EMCN: variants seen among roughly 807,000 people sequenced by gnomAD.
EMCN encodes the protein endomucin, also known as MUC-14.
Under a neutral mutation model 38.4 loss-of-function variants are expected in EMCN, and 37 were observed. That is an observed-to-expected ratio of 0.96 (90% CI 0.74 to 1.27). EMCN has a LOEUF of 1.27. Among genes scored for constraint, EMCN ranks in the 50% most tolerant of loss-of-function variants. EMCN has a pLI of 0.00. For synonymous variants in EMCN, 95 were observed against 100.8 expected, an observed-to-expected ratio of 0.94 and a Z score of 0.35; for missense variants, 318 against 302.8, an observed-to-expected ratio of 1.05 and a Z score of -0.37.
intron 4 of EMCN, among the ~76,000 whole-genome samples, chr4:100,450,255 AC>A (rs1336175479): frequency 3.3e-5 from 5 of 152,024 alleles, no homozygotes; most frequent in Non-Finnish European, 5.9e-5. Context: ...TTGGCAACTT[AC>A]AATCTGTTTG....
chr4:100,410,182 C>T (rs1726512193), intron 11 of EMCN, 100 bp downstream of exon 11: 1 of 862,946 alleles, frequency 1.2e-6, no homozygotes, highest in East Asian at 2.5e-5. Flanking sequence ...AAACCATTAG[C>T]TTTCCAGCTT....
intron 3 of EMCN, among the ~76,000 whole-genome samples, chr4:100,469,090 G>A (rs559325529): frequency 6.6e-6 from 1 of 151,984 alleles, no homozygotes; most frequent in Non-Finnish European, 1.5e-5. Flanking sequence ...AACATATATG[G>A]TCAATTAATT....
chr4:100,451,466 G>A (rs1727838066), intron 4 of EMCN, among the ~76,000 whole-genome samples: 1 of 151,770 alleles, frequency 6.6e-6, no homozygotes, highest in African/African-American at 2.4e-5. Flanking sequence ...CAGGCATAGT[G>A]GGCAAGAGGA....
intron 4 of EMCN, among the ~76,000 whole-genome samples, chr4:100,455,411 C>G (rs1727982083): frequency 6.6e-6 from 1 of 151,740 alleles, no homozygotes. Context: ...AAATTTCCAT[C>G]TGGTACCATA....
intron 2 of EMCN, among the ~76,000 whole-genome samples, chr4:100,479,401 A>AT (rs1343624297): frequency 6.6e-6 from 1 of 152,052 alleles, no homozygotes; most frequent in Non-Finnish European, 1.5e-5. Context: ...GGCTTTTAAC[A>AT]TTTTTGTGGA....
In EMCN at chr4:100,506,132, A is replaced by G. The variant is rs113943515; in HGVS notation, c.64+11719T>C. 3.2e-3 allele frequency among the ~76,000 whole-genome samples: 480 copies of G among 152,340 alleles called. 2 individuals are homozygous for G. Among genetic ancestry groups the G allele is most frequent in the African/African-American group, 0.011 (460 of 41,582 alleles). On this transcript the variant is annotated intron_variant, in intron 1 of 11. Coordinates refer to ENST00000296420, the MANE Select transcript of EMCN (RefSeq NM_016242.4). ...CTAAGTTTTATGCTTTCCTAAGACT[A>G]TGAAACAAGAGTGGTAATCACTGCT... is the stretch of plus-strand genomic sequence containing the variant.
rs191721675 is a variant in EMCN, at chr4:100,399,367, G to A, written c.*40-994C>T. 3.3e-5 allele frequency among the ~76,000 whole-genome samples: 5 copies of A among 152,176 alleles called. No individual in the cohort carries two copies. The East Asian group carries it at 9.7e-4, about 29-fold the overall frequency. On this transcript the variant is annotated intron_variant, in intron 11 of 11. Coordinates refer to ENST00000296420, the MANE Select transcript of EMCN (RefSeq NM_016242.4). ...TGGTGTGTGTGGTGGGGTGTGGGGA[G>A]TGGTACAAGTGGCGGAGACCTGTAA...
chr4:100,410,783 GT>G (rs1009218620), intron 10 of EMCN, among the ~76,000 whole-genome samples: 7 of 152,244 alleles, frequency 4.6e-5, no homozygotes, highest in Non-Finnish European at 8.8e-5. Context: ...TTCAGTGAGG[GT>G]TTTGTGAAAA....
At chr4:100,478,078 G>T (rs72927867) in intron 2 of EMCN, among the ~76,000 whole-genome samples, 3,328 of 152,188 alleles carry the variant, frequency 0.022, 125 homozygotes, top group African/African-American at 0.076. Context: ...AGACAAAAAG[G>T]AGTTATTTTC....
intron 5 of EMCN, among the ~76,000 whole-genome samples, chr4:100,430,473 G>A (rs1251780790): frequency 1.3e-5 from 2 of 152,060 alleles, no homozygotes; most frequent in Admixed American, 1.3e-4. Flanking sequence ...CCTTCAACAG[G>A]TCAAACCAGA....
rs779082250 is a variant in EMCN at position 100,421,324 on chromosome 4, C to G, written c.622G>C (p.Val208Leu). ...CACATTCGGTACAAACCCACCAGAA[C>G]AAATACTGAAAGTGTTATTACAATC... ...ALIVITLSVF[V>L]LVGLYRMCWK... Residue 208 changes from valine (V) to leucine (L), a missense_variant, in exon 8 of 12, where the codon GTT becomes CTT. Physicochemically the swap from Val to Leu is conservative, Grantham distance 32. Coordinates refer to ENST00000296420, the MANE Select transcript of EMCN (RefSeq NM_016242.4). 1 of 1,612,886 alleles carries G rather than the reference C, an allele frequency of 6.2e-7. No homozygotes were observed. The highest frequency in any genetic ancestry group is 1.1e-5 in the South Asian group (1 of 91,036).
At chr4:100,466,477 T>C (rs541940500) in intron 3 of EMCN, among the ~76,000 whole-genome samples, 2 of 152,306 alleles carry the variant, frequency 1.3e-5, no homozygotes, top group African/African-American at 4.8e-5. Context: ...AAGAAAGGGA[T>C]CATTTGCAAG....
At chr4:100,405,686 T>A (rs1023712007) in intron 11 of EMCN, among the ~76,000 whole-genome samples, 12 of 152,124 alleles carry the variant, frequency 7.9e-5, no homozygotes, top group Admixed American at 2.0e-4. Flanking sequence ...TGAAGTTTTC[T>A]TTGTTCATTG....
chr4:100,488,810 A>G lies in EMCN; in HGVS notation c.65-8771T>C, dbSNP rs992545148. ...AGAAAAACTATTTAGTTGATTTAAA[A>G]TACTCCTTAGTTTGTATCAACTGAA... On this transcript the variant is annotated intron_variant, in intron 1 of 11. Coordinates refer to ENST00000296420, the MANE Select transcript of EMCN (RefSeq NM_016242.4). Among the ~76,000 whole-genome samples the G allele has an allele frequency of 4.6e-5, 7 of 152,138 alleles. No homozygotes were observed. The East Asian group carries it at 9.6e-4, about 21-fold the overall frequency.
intron 5 of EMCN, 147 bp downstream of exon 5, chr4:100,447,386 C>A (rs1030971756): frequency 3.2e-6 from 2 of 620,656 alleles, no homozygotes; most frequent in Non-Finnish European, 5.6e-6. Flanking sequence ...TTTTTAAACT[C>A]AAGTTTTTCT....
intron 4 of EMCN, among the ~76,000 whole-genome samples, chr4:100,463,984 A>G (rs963838477): frequency 6.6e-6 from 1 of 152,094 alleles, no homozygotes; most frequent in Admixed American, 6.6e-5. Flanking sequence ...TAAATATATT[A>G]ATCAATTATT....
intron 5 of EMCN, among the ~76,000 whole-genome samples, chr4:100,425,184 C>CACACA (rs1263607280): frequency 6.6e-6 from 1 of 151,512 alleles, no homozygotes; most frequent in Non-Finnish European, 1.5e-5. Flanking sequence ...CACACACACA[C>CACACA]AATTACTGCT....
At chr4:100,483,805 G>T (rs1310427320) in intron 1 of EMCN, among the ~76,000 whole-genome samples, 2 of 152,028 alleles carry the variant, frequency 1.3e-5, no homozygotes, top group African/African-American at 4.8e-5. Context: ...TTCCTTCTAG[G>T]TCTTATTTGA....
At chr4:100,407,888 A>G (rs1726439857) in intron 11 of EMCN, among the ~76,000 whole-genome samples, 3 of 152,172 alleles carry the variant, frequency 2.0e-5, no homozygotes, top group Admixed American at 2.0e-4. Flanking sequence ...GTCTTTTTAC[A>G]TAATCTCATG....
Sources: allele counts gnomAD v4.1 joint callset (sites outside exome capture counted in the v4.1 genomes callset), GRCh38; gene constraint gnomAD v4.1.1; transcripts MANE v1.5; gene names NCBI Gene and HGNC (gene_info 2026-07-23, HGNC 2026-07-21).